Variants in ERC2 observed in about 807,000 individuals in gnomAD.
ERC2 encodes the protein ERC protein 2.
In ERC2, 42 loss-of-function variants were observed where a neutral mutation model predicts 114.8. The ratio of observed to expected loss-of-function variants is 0.37; its 90% CI spans 0.29 to 0.47. The LOEUF (loss-of-function observed/expected upper bound fraction) is 0.47. Ranked by LOEUF, ERC2 falls within the 20% of genes least tolerant of loss-of-function variation. The probability of loss-of-function intolerance (pLI) is 0.99; values close to 1 mark genes in which losing one functional copy is unlikely to be tolerated. For synonymous variants in ERC2, 454 were observed against 425.5 expected (o/e 1.07, Z -0.82); for missense variants, 939 against 1,150.7 (o/e 0.82, Z 2.66).
At chr3:56,387,776 C>T (rs1016940749) in intron 2 of ERC2, among the ~76,000 whole-genome samples, 3 of 152,108 alleles carry the variant, frequency 2.0e-5, no homozygotes, top group Admixed American at 6.6e-5. Context: ...TTGCAAGATG[C>T]GTATGACCCA....
intron 14 of ERC2, among the ~76,000 whole-genome samples, chr3:55,855,711 T>C (rs2061759183): frequency 6.6e-6 from 1 of 152,220 alleles, no homozygotes; most frequent in Admixed American, 6.5e-5. Context: ...GGAAACTATA[T>C]AGCTTATTAG....
At chr3:55,951,692 C>T (rs1049964469) in intron 12 of ERC2, among the ~76,000 whole-genome samples, 2 of 152,028 alleles carry the variant, frequency 1.3e-5, no homozygotes, top group Admixed American at 6.5e-5. Flanking sequence ...ATTTGGGGTC[C>T]TTTCGGATCC....
chr3:56,459,479 T>A (rs1011851385), intron 1 of ERC2, among the ~76,000 whole-genome samples: 5 of 152,156 alleles, frequency 3.3e-5, no homozygotes, highest in African/African-American at 9.6e-5. Context: ...CAACTACCTT[T>A]AGGGGTGGAA....
intron 2 of ERC2, among the ~76,000 whole-genome samples, chr3:56,390,523 A>G (rs187113956): frequency 4.6e-5 from 7 of 152,168 alleles, no homozygotes; most frequent in African/African-American, 1.4e-4. Context: ...AGGATTCTAA[A>G]GCCAAAACTA....
intron 15 of ERC2, among the ~76,000 whole-genome samples, chr3:55,727,055 G>A (rs1020821903): frequency 3.3e-5 from 5 of 152,128 alleles, no homozygotes; most frequent in Non-Finnish European, 4.4e-5. Context: ...TTGAGAATAC[G>A]GCTTACGGGG....
At chr3:55,634,191 G>C (rs1252911265) in intron 17 of ERC2, among the ~76,000 whole-genome samples, 1 of 152,184 alleles carries the variant, frequency 6.6e-6, no homozygotes, top group African/African-American at 2.4e-5. Context: ...CACGAAGACA[G>C]TTTATAAGAA....
At chr3:56,418,419 C>G (rs1363865910) in intron 2 of ERC2, among the ~76,000 whole-genome samples, 1 of 152,164 alleles carries the variant, frequency 6.6e-6, no homozygotes, top group Admixed American at 6.5e-5. Flanking sequence ...GCTACTCACT[C>G]CATACTACAG....
Position 56,296,366 on chromosome 3 carries a change from G to T in ERC2, c.727C>A (p.Gln243Lys), listed in dbSNP as rs1235715520. The T allele has an allele frequency of 6.2e-7, 1 of 1,614,054 alleles. No homozygotes were observed. Among genetic ancestry groups the T allele is most frequent in the East Asian group, 2.2e-5 (1 of 44,886 alleles). ...GCTCCTCGGTTGCCACTCTCTTGCT[G>T]GAGGAGGTGGTTGAGGTCTCTCTGG... ...RTQRDLNHLL[Q>K]QESGNRGAEH... The change falls in exon 3 of 18, where the codon CAG becomes AAG. Residue 243 changes from glutamine (Q) to lysine (K), a missense_variant. This residue lies in a region of ERC2 where 281 missense variants were observed against 307.4 expected (regional missense o/e 0.91). Coordinates refer to ENST00000288221, the MANE Select transcript of ERC2 (RefSeq NM_015576.3).
chr3:56,321,880 G>A (rs546136542), intron 2 of ERC2, among the ~76,000 whole-genome samples: 3 of 152,284 alleles, frequency 2.0e-5, no homozygotes, highest in African/African-American at 4.8e-5. Context: ...TACAACAGAT[G>A]TAAATGCAAT....
At chr3:55,603,201 T>C (rs2058484578) in intron 17 of ERC2, among the ~76,000 whole-genome samples, 1 of 152,162 alleles carries the variant, frequency 6.6e-6, no homozygotes, top group Admixed American at 6.5e-5. Context: ...GCAAATAATG[T>C]CTAAAACCAG....
At chr3:55,752,368 C>CA (rs1387378235) in intron 14 of ERC2, among the ~76,000 whole-genome samples, 1 of 152,212 alleles carries the variant, frequency 6.6e-6, no homozygotes, top group East Asian at 1.9e-4. Flanking sequence ...TGACAAGGGT[C>CA]AGCCTGTACC....
chr3:56,462,897 C>A (rs146689662), intron 1 of ERC2, among the ~76,000 whole-genome samples: 1 of 152,150 alleles, frequency 6.6e-6, no homozygotes, highest in Non-Finnish European at 1.5e-5. Context: ...GTCACCAAGA[C>A]CAAGATCCTT....
At chr3:56,010,308 G>A (rs1488075170) in intron 9 of ERC2, 141 bp downstream of exon 9, 1 of 1,029,390 alleles carries the variant, frequency 9.7e-7, no homozygotes, top group African/African-American at 1.6e-5. Flanking sequence ...TTTAAATTCA[G>A]GCAGCTTTAC....
intron 2 of ERC2, among the ~76,000 whole-genome samples, chr3:56,302,275 A>G (rs1014646650): frequency 2.6e-5 from 4 of 152,144 alleles, no homozygotes; most frequent in African/African-American, 9.7e-5. Flanking sequence ...CACTTTGACT[A>G]GGAACTTTGA....
chr3:55,862,174 A>ATGTG (rs544865371), intron 14 of ERC2, among the ~76,000 whole-genome samples: 1 of 151,906 alleles, frequency 6.6e-6, no homozygotes, highest in East Asian at 1.9e-4. Flanking sequence ...TATTTTATGT[A>ATGTG]TGTGTGTGTG....
intron 2 of ERC2, among the ~76,000 whole-genome samples, chr3:56,313,417 T>C (rs1482641524): frequency 6.6e-6 from 1 of 152,136 alleles, no homozygotes; most frequent in African/African-American, 2.4e-5. Context: ...TGCCTTCCTA[T>C]TTCCCATTTT....
chr3:55,533,645 G>A (rs776081280), intron 17 of ERC2, among the ~76,000 whole-genome samples: 6 of 152,152 alleles, frequency 3.9e-5, no homozygotes, highest in Admixed American at 6.5e-5. Context: ...ACCCAGAGGC[G>A]GCTCAGGCCA....
chr3:56,074,245 C>G (rs777753162), intron 7 of ERC2, among the ~76,000 whole-genome samples: 1 of 152,112 alleles, frequency 6.6e-6, no homozygotes, highest in African/African-American at 2.4e-5. Flanking sequence ...TGAACGAGTT[C>G]TTCTCTAAAC....
intron 3 of ERC2, among the ~76,000 whole-genome samples, chr3:56,251,932 A>T (rs2052185575): frequency 6.6e-6 from 1 of 152,182 alleles, no homozygotes; most frequent in South Asian, 2.1e-4. Context: ...CATATTTTAC[A>T]CAGGAGGGCC....
Sources: allele counts gnomAD v4.1 joint callset (sites outside exome capture counted in the v4.1 genomes callset), GRCh38; gene constraint gnomAD v4.1.1; regional missense constraint gnomAD v4.1.1; transcripts MANE v1.5; gene names NCBI Gene and HGNC (gene_info 2026-07-23, HGNC 2026-07-21).